The following ESPNL variants were observed in gnomAD, a reference collection of about 807,000 sequenced individuals.
ESPNL encodes espin like, also known as espin-like protein.
Under a neutral mutation model 46.8 loss-of-function variants are expected in ESPNL, and 49 were observed. That is an observed-to-expected ratio of 1.05 (90% confidence interval 0.83 to 1.33). ESPNL has a LOEUF of 1.33. Among genes scored for constraint, ESPNL ranks in the 40% most tolerant of loss-of-function variants. The pLI, the probability that ESPNL is intolerant of heterozygous loss-of-function variation, is 0.00. For synonymous variants in ESPNL, 664 were observed against 662.1 expected (o/e 1.00, Z -0.04); for missense variants, 1,540 against 1,436.6 (o/e 1.07, Z -1.16).
At chr2:238,129,153 C>T (rs1176613575) in intron 8 of ESPNL, 2 of 1,397,176 alleles carry the variant, frequency 1.4e-6, no homozygotes, top group East Asian at 2.6e-5. Flanking sequence ...ATTTGTGGCA[C>T]ATGCCTGCCT....
intron 5 of ESPNL, among the ~76,000 whole-genome samples, chr2:238,120,973 C>T (rs1318329185): frequency 6.6e-6 from 1 of 152,246 alleles, no homozygotes; most frequent in African/African-American, 2.4e-5. Context: ...AGAGCAGCAG[C>T]AGCTTGGGGA....
chr2:238,116,498 C>CT (rs1691818056), intron 4 of ESPNL, among the ~76,000 whole-genome samples: 1 of 152,194 alleles, frequency 6.6e-6, no homozygotes, highest in African/African-American at 2.4e-5. Context: ...CCCTGAGTCC[C>CT]TGGGGCAGGG....
rs1559268420 is a variant in ESPNL, at chr2:238,128,918, A to AG, written c.1413+18dup. On this transcript the variant is annotated intron_variant, in intron 8 of 8. Coordinates refer to ENST00000343063, the MANE Select transcript of ESPNL (RefSeq NM_194312.4). ...GCAGAGGCCCAGGTAGGCCCCCGGC[A>AG]GGGGCGGGACCAGTGGGCGGGGCGG... 1 of 1,532,628 alleles carries AG rather than the reference A, an allele frequency of 6.5e-7. No individual in the cohort carries two copies. Among genetic ancestry groups the AG allele is most frequent in the Non-Finnish European group, 8.8e-7 (1 of 1,142,012 alleles). The allele number at this position is 1,532,628 out of a possible 1,614,324, so 94.9% of individuals were successfully genotyped here.
In ESPNL at chr2:238,130,257, G is replaced by T. The variant is rs752894106; in HGVS notation, c.1543G>T (p.Ala515Ser). The T allele has an allele frequency of 6.2e-6, 10 of 1,609,868 alleles. No individual in the cohort carries two copies. The African/African-American group carries it at 1.3e-4, about 21-fold the overall frequency. The change falls in exon 9 of 9, where the codon GCA (alanine) becomes TCA (serine). Residue 515 changes from alanine to serine, a missense_variant. Physicochemically the swap from Ala to Ser is moderately conservative, Grantham distance 99 (BLOSUM62 1). Coordinates refer to ENST00000343063, the MANE Select transcript of ESPNL (RefSeq NM_194312.4). The stretch of plus-strand genomic sequence containing the variant: ...CCTGGTCTACCTGGAGAAGCAGATT[G>T]CAGACCTGCAGCTTCGGCGCCGCTG... Reference protein sequence around the residue: ...DDLVYLEKQIADLQLRRRCQE... With the variant: ...DDLVYLEKQISDLQLRRRCQE...
At position 238,128,917 on chromosome 2, in the gene ESPNL, C is replaced by A. The variant is rs1021453796; in HGVS notation, c.1413+13C>A. ...CGCAGAGGCCCAGGTAGGCCCCCGG[C>A]AGGGGCGGGACCAGTGGGCGGGGCG... is the stretch of plus-strand genomic sequence containing the variant. On this transcript the variant is annotated intron_variant, in intron 8 of 8. Transcript: ENST00000343063. 6.5e-7 allele frequency: 1 copy of A among 1,532,766 alleles called. No individual in the cohort carries two copies. Among genetic ancestry groups the A allele is most frequent in the East Asian group, 2.5e-5 (1 of 40,692 alleles). 94.9% of individuals were successfully genotyped at this position (1,532,766 alleles called of 1,614,324 possible).
intron 1 of ESPNL, among the ~76,000 whole-genome samples, chr2:238,100,928 T>C (rs990839699): frequency 6.6e-6 from 1 of 152,190 alleles, no homozygotes; most frequent in East Asian, 1.9e-4. Flanking sequence ...AATTTTCTTA[T>C]CACCTTCCCT....
chr2:238,129,199 C>T (rs1049278780), intron 8 of ESPNL: 5 of 1,324,864 alleles, frequency 3.8e-6, no homozygotes, highest in Middle Eastern at 2.8e-4. Flanking sequence ...CTGGGCGCAG[C>T]GTCTAGCAGG....
rs1314362278 is a variant in ESPNL, at chr2:238,100,684, C to T, written c.265C>T (p.Leu89=). 7.0e-7 allele frequency: 1 copy of T among 1,437,740 alleles called. No homozygotes were observed. The highest frequency in any genetic ancestry group is 2.8e-5 in the Admixed American group (1 of 35,090). 89.1% of individuals were successfully genotyped at this position (1,437,740 alleles called of 1,614,324 possible). ...GGGCAGCCTGGCCGAGCTGTGCTGG[C>T]TGGTCCGCGAGGGGGGCTGCGGTCT... ...ATGSLAELCW[L]VREGGCGLQD... Residue 89 remains leucine, a synonymous_variant, in exon 1 of 9, where the codon CTG becomes TTG. Coordinates refer to ENST00000343063, the MANE Select transcript of ESPNL (RefSeq NM_194312.4).
At chr2:238,116,726 C>T (rs11896543) in intron 4 of ESPNL, among the ~76,000 whole-genome samples, 177 bp from the exon 5 acceptor site, 28,915 of 152,088 alleles carry the variant, frequency 0.19, 3,014 homozygotes, top group African/African-American at 0.27. Context: ...GGATGAGGCT[C>T]GGGGGCTCCT....
chr2:238,127,934 T>TC (rs1375532014), intron 7 of ESPNL, among the ~76,000 whole-genome samples, 200 bp downstream of exon 7: 5 of 151,730 alleles, frequency 3.3e-5, no homozygotes, highest in Non-Finnish European at 5.9e-5. Flanking sequence ...ACGGCAGCTG[T>TC]CCCCCCCACC....
At chr2:238,118,185 G>A (rs1216223667) in intron 5 of ESPNL, among the ~76,000 whole-genome samples, 1 of 143,766 alleles carries the variant, frequency 7.0e-6, no homozygotes, top group Non-Finnish European at 1.5e-5. Context: ...GGAATGGATG[G>A]TGGAGGATGG....
At chr2:238,125,414 A>G in intron 6 of ESPNL, 30 bp downstream of exon 6, 1 of 1,348,294 alleles carries the variant, frequency 7.4e-7, no homozygotes, top group Non-Finnish European at 9.9e-7. Flanking sequence ...TGGGCCACCC[A>G]GGGCATGGGC....
At chr2:238,110,936 C>T (rs1349277421) in intron 4 of ESPNL, among the ~76,000 whole-genome samples, 1 of 149,364 alleles carries the variant, frequency 6.7e-6, no homozygotes, top group Non-Finnish European at 1.5e-5. Flanking sequence ...TTCAGTATAT[C>T]ACATTAGTTA....
intron 6 of ESPNL, among the ~76,000 whole-genome samples, chr2:238,125,995 CTGTG>C (rs903563017): frequency 5.3e-5 from 8 of 149,604 alleles, no homozygotes; most frequent in South Asian, 4.3e-4. Flanking sequence ...GTGATTGTGT[CTGTG>C]TGTATCTGTG....
chr2:238,127,472 G>A (rs893028168), intron 6 of ESPNL, 150 bp from the exon 7 acceptor site: 5 of 1,391,974 alleles, frequency 3.6e-6, no homozygotes, highest in African/African-American at 3.0e-5. Flanking sequence ...GGGCCCCCGA[G>A]GTGTTCTGGG....
At chr2:238,113,122 A>G (rs1691747450) in intron 4 of ESPNL, among the ~76,000 whole-genome samples, 2 of 152,198 alleles carry the variant, frequency 1.3e-5, no homozygotes, top group Non-Finnish European at 2.9e-5. Context: ...TTTGTTTTAT[A>G]TATTTTGAAC....
intron 5 of ESPNL, among the ~76,000 whole-genome samples, chr2:238,119,381 G>C (rs1691924293): frequency 7.0e-6 from 1 of 143,026 alleles, no homozygotes; most frequent in Non-Finnish European, 1.5e-5. Context: ...GGATGAAGGA[G>C]TTGGATGCAG....
intron 7 of ESPNL, among the ~76,000 whole-genome samples, chr2:238,128,498 G>GC (rs1379662055): frequency 6.6e-6 from 1 of 151,948 alleles, no homozygotes; most frequent in African/African-American, 2.4e-5. Flanking sequence ...ATCTTACCCC[G>GC]CCCCCTCCAG....
Position 238,114,604 on chromosome 2 carries a change from C to A in ESPNL, c.856-2299C>A, listed in dbSNP as rs1182413589. Among the ~76,000 whole-genome samples the A allele has an allele frequency of 6.6e-6, 1 of 152,224 alleles. No individual in the cohort carries two copies. Among genetic ancestry groups the A allele is most frequent in the Non-Finnish European group, 1.5e-5 (1 of 68,044 alleles). On this transcript the variant is annotated intron_variant, in intron 4 of 8. Transcript: ENST00000343063. The surrounding 1 kb of genome is among the most constrained non-coding windows in gnomAD (Gnocchi z 5.0). ...TCAGCCACACCAGCCACTGGCTCAG[C>A]CCTTCTGGGCCTCCAGGAGCCTTCA... is the stretch of plus-strand genomic sequence containing the variant.
Sources: gnomAD v4.1 joint callset for allele counts (sites outside exome capture counted in the v4.1 genomes callset) on GRCh38, gnomAD v4.1.1 for gene constraint, Gnocchi (gnomAD v3.1) non-coding constraint, MANE v1.5 for transcripts, NCBI Gene and HGNC (gene_info 2026-07-23, HGNC 2026-07-21) for gene names.